Variants in TPRA1 observed in about 807,000 individuals in gnomAD.
TPRA1 encodes transmembrane protein adipocyte-associated 1.
TPRA1 carries 28 observed loss-of-function variants against 40.1 expected under a neutral mutation model. The observed-to-expected ratio is 0.70, with a 90% CI of 0.52 to 0.96. The LOEUF is 0.96. Ranked by LOEUF, TPRA1 falls within the 40% of genes least tolerant of loss-of-function variation. The pLI is 0.00. For missense variants in TPRA1, 441 were observed against 482.6 expected (o/e 0.91, Z 0.81); for synonymous variants, 219 against 209.7 (o/e 1.04, Z -0.38).
chr3:127,579,681 A>G, intron 3 of TPRA1, 59 bp downstream of exon 3: 1 of 1,580,146 alleles, frequency 6.3e-7, no homozygotes, highest in East Asian at 2.3e-5. Context: ...GAAGCAGTTA[A>G]TTCCCTTTTT....
Position 127,573,441 on chromosome 3 carries a change from A to G in TPRA1, c.*80T>C. The G allele has an allele frequency of 6.6e-7, 1 of 1,513,572 alleles. No individual in the cohort carries two copies. Among genetic ancestry groups the G allele is most frequent in the South Asian group, 1.3e-5 (1 of 78,764 alleles). 93.8% of individuals were successfully genotyped at this position (1,513,572 alleles called of 1,614,324 possible). ...GCTACTGCCCACAGAACGTCCCTTGACCTGGTCCTCCTCCCCTGGGGACTC... is the reference window on the plus strand; with the variant it reads ...GCTACTGCCCACAGAACGTCCCTTGGCCTGGTCCTCCTCCCCTGGGGACTC... On this transcript the variant is annotated 3_prime_UTR_variant, in exon 11 of 11. Transcript: ENST00000355552.
chr3:127,575,512 G>A lies in TPRA1; in HGVS notation c.671-7C>T. Reference sequence around the variant, plus strand: ...ACGTAGAAGCTCCTCCGAGCTGGGGGCCGGACAGGGTGGGTCGTGAGGTCC... The same window carrying A: ...ACGTAGAAGCTCCTCCGAGCTGGGGACCGGACAGGGTGGGTCGTGAGGTCC... On this transcript the variant is annotated splice_polypyrimidine_tract_variant and splice_region_variant and intron_variant, in intron 8 of 10. Coordinates refer to ENST00000355552, the MANE Select transcript of TPRA1 (RefSeq NM_001136053.4). 6.4e-7 allele frequency: 1 copy of A among 1,552,064 alleles called. No individual in the cohort carries two copies. Among genetic ancestry groups the A allele is most frequent in the Non-Finnish European group, 8.7e-7 (1 of 1,150,800 alleles).
In TPRA1 at chr3:127,575,408, C is replaced by A; in HGVS notation, c.768G>T (p.Gly256=). ...SVLLCFDIIE[G]LCCVDATTFL... is the part of the protein sequence containing the mutation. The stretch of plus-strand genomic sequence containing the variant: ...ACCCTGCGGCCCCCACGCACCAGAG[C>A]CCCTCGATGATGTCGAAGCACAGCA... The change falls in exon 9 of 11, where the codon GGG becomes GGT. Residue 256 remains glycine (G), a synonymous_variant. Coordinates refer to ENST00000355552, the MANE Select transcript of TPRA1 (RefSeq NM_001136053.4). 5 of 1,587,610 alleles carry A rather than the reference C, an allele frequency of 3.1e-6. No homozygotes were observed. The highest frequency in any genetic ancestry group is 4.3e-6 in the Non-Finnish European group (5 of 1,167,246).
intron 1 of TPRA1, 56 bp from the exon 2 acceptor site, chr3:127,580,219 C>T (rs1344220919): frequency 4.5e-6 from 7 of 1,558,700 alleles, no homozygotes; most frequent in Non-Finnish European, 6.1e-6. Flanking sequence ...TGTCCTCCTT[C>T]CCCTGGACCT....
rs2073400279 is a variant in TPRA1 at position 127,572,350 on chromosome 3, T to C, written c.*1171A>G. ...GTTGGCTGTGTCCTGGATGGGCTCCTCCTCTCCAACTCTGGGGATTACATA... is the reference window on the plus strand; with the variant it reads ...GTTGGCTGTGTCCTGGATGGGCTCCCCCTCTCCAACTCTGGGGATTACATA... On this transcript the variant is annotated 3_prime_UTR_variant, in exon 11 of 11. Coordinates refer to ENST00000355552, the MANE Select transcript of TPRA1 (RefSeq NM_001136053.4). Among the ~76,000 whole-genome samples the C allele has an allele frequency of 6.6e-6, 1 of 152,220 alleles. No individual in the cohort carries two copies.
At chr3:127,581,136 C>T (rs547271300) in intron 1 of TPRA1, among the ~76,000 whole-genome samples, 62 of 152,166 alleles carry the variant, frequency 4.1e-4, no homozygotes, top group Non-Finnish European at 8.2e-4. Context: ...GCAGGGAGTT[C>T]GGGGTGATCC....
At chr3:127,575,140 G>T in intron 10 of TPRA1, 45 bp downstream of exon 10, 3 of 1,597,722 alleles carry the variant, frequency 1.9e-6, no homozygotes, top group Non-Finnish European at 2.6e-6. Context: ...AGAAGGCGCA[G>T]TTCCGCCGGC....
chr3:127,585,394 T>C (rs1189907352), intron 1 of TPRA1, among the ~76,000 whole-genome samples: 1 of 152,196 alleles, frequency 6.6e-6, no homozygotes, highest in Non-Finnish European at 1.5e-5. Context: ...TCACTCTAAG[T>C]GCAACCAGAA....
At chr3:127,594,981 A>G (rs1342007819), upstream of TPRA1, 2 of 152,366 alleles carry the variant, frequency 1.3e-5, no homozygotes, top group East Asian at 3.8e-4. Context: ...CAAGTCCAGC[A>G]TGACTGTTGG....
At chr3:127,581,367 C>A (rs1347998076) in intron 1 of TPRA1, among the ~76,000 whole-genome samples, 1 of 152,168 alleles carries the variant, frequency 6.6e-6, no homozygotes, top group Admixed American at 6.5e-5. Context: ...CTGCTACAGG[C>A]AACACGAATG....
intron 10 of TPRA1, 81 bp from the exon 11 acceptor site, chr3:127,573,869 C>T (rs1484741694): frequency 6.8e-7 from 1 of 1,478,756 alleles, no homozygotes; most frequent in Non-Finnish European, 9.0e-7. Context: ...ATGGGGCCAC[C>T]AGATAAGGAA....
chr3:127,593,909 T>C (rs1278031204), upstream of TPRA1, among the ~76,000 whole-genome samples: 3 of 152,168 alleles, frequency 2.0e-5, no homozygotes, highest in Non-Finnish European at 4.4e-5. Flanking sequence ...TACACACATA[T>C]GGTCTTGCCC....
chr3:127,581,696 T>G (rs1002693632), intron 1 of TPRA1, among the ~76,000 whole-genome samples: 1 of 151,300 alleles, frequency 6.6e-6, no homozygotes, highest in Non-Finnish European at 1.5e-5. Flanking sequence ...GCAGATTGCC[T>G]GAGCTCAGGA....
chr3:127,587,910 A>AAC (rs1254340158), intron 1 of TPRA1, among the ~76,000 whole-genome samples: 3 of 152,084 alleles, frequency 2.0e-5, no homozygotes, highest in Admixed American at 1.3e-4. Flanking sequence ...GGTCTGAGGA[A>AAC]ACACAGAGGA....
intron 10 of TPRA1, among the ~76,000 whole-genome samples, chr3:127,574,002 G>A (rs2073477001): frequency 6.6e-6 from 1 of 152,188 alleles, no homozygotes; most frequent in African/African-American, 2.4e-5. Context: ...CTCAGGCGGG[G>A]GGCATCTGTG....
At chr3:127,592,706 C>T (rs989417647), upstream of TPRA1, among the ~76,000 whole-genome samples, 14 of 152,200 alleles carry the variant, frequency 9.2e-5, no homozygotes, top group African/African-American at 3.4e-4. Context: ...TTTTAATGAG[C>T]GCCTGGGTGC....
At chr3:127,591,610 G>A (rs917710336), upstream of TPRA1, among the ~76,000 whole-genome samples, 2 of 152,192 alleles carry the variant, frequency 1.3e-5, no homozygotes, top group African/African-American at 2.4e-5. Context: ...CGCAGAGCTG[G>A]CTCCTTGCCA....
Position 127,573,488 on chromosome 3 carries a change from T to C in TPRA1, c.*33A>G, listed in dbSNP as rs781491642. On this transcript the variant is annotated 3_prime_UTR_variant, in exon 11 of 11. Transcript: ENST00000355552. ...ACTCTGGGCCTGCTGGCCTCCTCTC[T>C]GGCCTGTCCTCCACAGGCCCTGGCA... is the stretch of plus-strand genomic sequence containing the variant. 6.3e-7 allele frequency: 1 copy of C among 1,592,178 alleles called. No individual in the cohort carries two copies. The highest frequency in any genetic ancestry group is 1.1e-5 in the South Asian group (1 of 88,772).
intron 1 of TPRA1, among the ~76,000 whole-genome samples, chr3:127,590,058 G>A (rs2074121853): frequency 6.6e-6 from 1 of 152,196 alleles, no homozygotes; most frequent in African/African-American, 2.4e-5. Context: ...AGCCACCGTG[G>A]GGCTGGAGCC....
Sources: gnomAD v4.1 joint callset for allele counts (sites outside exome capture counted in the v4.1 genomes callset) on GRCh38, gnomAD v4.1.1 for gene constraint, MANE v1.5 for transcripts, NCBI Gene and HGNC (gene_info 2026-07-23, HGNC 2026-07-21) for gene names.